Variants in KLHL1 observed in about 807,000 individuals in gnomAD.
KLHL1 encodes kelch-like protein 1.
In KLHL1, 47 loss-of-function variants were observed where a neutral mutation model predicts 77.7. The observed-to-expected ratio is 0.60, with a 90% confidence interval of 0.48 to 0.77. The LOEUF (loss-of-function observed/expected upper bound fraction) is 0.77. KLHL1 is among the 30% of genes least tolerant of loss of function. KLHL1 has a pLI of 0.00. For synonymous variants in KLHL1, 360 were observed against 325.2 expected, an observed-to-expected ratio of 1.11 and a Z score of -1.15; for missense variants, 925 against 910.8, an observed-to-expected ratio of 1.02 and a Z score of -0.20.
At chr13:69,909,485 G>T (rs1416209575) in intron 4 of KLHL1, among the ~76,000 whole-genome samples, 1 of 151,746 alleles carries the variant, frequency 6.6e-6, no homozygotes, top group Non-Finnish European at 1.5e-5. Context: ...TCATTATTGA[G>T]CAATCCAAAG....
intron 1 of KLHL1, among the ~76,000 whole-genome samples, chr13:70,098,480 C>T (rs1887844994): frequency 6.6e-6 from 1 of 151,436 alleles, no homozygotes; most frequent in South Asian, 2.1e-4. Context: ...TTGAAATTTA[C>T]TACAATTTAT....
intron 7 of KLHL1, among the ~76,000 whole-genome samples, chr13:69,758,439 C>A (rs1011735896): frequency 2.6e-5 from 4 of 151,988 alleles, no homozygotes; most frequent in African/African-American, 9.7e-5. Context: ...TTTTTTCCTT[C>A]ATTTTGAAAC....
intron 6 of KLHL1, among the ~76,000 whole-genome samples, chr13:69,801,776 G>A (rs549322765): frequency 5.7e-4 from 87 of 152,206 alleles, no homozygotes; most frequent in South Asian, 1.7e-3. Flanking sequence ...TTAGTTAAGA[G>A]ATAGGTGTGT....
chr13:69,808,263 C>T (rs1877708097), intron 6 of KLHL1, among the ~76,000 whole-genome samples: 1 of 152,062 alleles, frequency 6.6e-6, no homozygotes. Context: ...TACAGGCAAA[C>T]ATACCCTGAG....
intron 8 of KLHL1, among the ~76,000 whole-genome samples, chr13:69,734,354 C>T (rs1306684771): frequency 6.6e-6 from 1 of 152,110 alleles, no homozygotes; most frequent in Non-Finnish European, 1.5e-5. Flanking sequence ...GAAGAAGTGA[C>T]AGCCAAGTAA....
chr13:69,930,050 G>A (rs962615152), intron 4 of KLHL1, among the ~76,000 whole-genome samples: 3 of 151,758 alleles, frequency 2.0e-5, no homozygotes, highest in Non-Finnish European at 4.4e-5. Flanking sequence ...ATTTTAGGTT[G>A]GAAATAGTAG....
At chr13:70,104,164 A>G (rs1306220142) in intron 1 of KLHL1, among the ~76,000 whole-genome samples, 1 of 152,206 alleles carries the variant, frequency 6.6e-6, no homozygotes, top group Non-Finnish European at 1.5e-5. Flanking sequence ...ATATCCAGGA[A>G]ATCATATACT....
chr13:69,901,798 T>A (rs1223931169), intron 4 of KLHL1, among the ~76,000 whole-genome samples: 2 of 146,480 alleles, frequency 1.4e-5, no homozygotes, highest in African/African-American at 2.5e-5. Flanking sequence ...TTTTTTTCTT[T>A]TTTTTTTTTT....
chr13:70,034,701 G>C (rs1010896007), intron 1 of KLHL1, among the ~76,000 whole-genome samples: 2 of 152,140 alleles, frequency 1.3e-5, no homozygotes, highest in Non-Finnish European at 2.9e-5. Context: ...TTGAGGAAGA[G>C]GGAAAGTCGC....
At chr13:69,781,646 AATC>A (rs1478736795) in intron 7 of KLHL1, among the ~76,000 whole-genome samples, 1 of 152,124 alleles carries the variant, frequency 6.6e-6, no homozygotes, top group African/African-American at 2.4e-5. Flanking sequence ...GAGATATTGT[AATC>A]ATCTTTTTAC....
At chr13:70,077,602 T>C (rs1887295401) in intron 1 of KLHL1, among the ~76,000 whole-genome samples, 1 of 151,990 alleles carries the variant, frequency 6.6e-6, no homozygotes, top group South Asian at 2.1e-4. Flanking sequence ...ATAATAACAA[T>C]GTATCAATAT....
intron 10 of KLHL1, among the ~76,000 whole-genome samples, chr13:69,707,281 T>C (rs998980336): frequency 6.6e-6 from 1 of 152,038 alleles, no homozygotes; most frequent in African/African-American, 2.4e-5. Context: ...ATATTGTTTC[T>C]AAAACCAAAC....
intron 5 of KLHL1, among the ~76,000 whole-genome samples, chr13:69,857,293 A>G (rs1188385029): frequency 6.6e-6 from 1 of 151,928 alleles, no homozygotes; most frequent in Admixed American, 6.6e-5. Context: ...CACCTCCTTT[A>G]TGAAGTCTTC....
chr13:69,788,656 T>TATA (rs749231972), intron 7 of KLHL1, among the ~76,000 whole-genome samples: 1 of 129,074 alleles, frequency 7.7e-6, no homozygotes, highest in African/African-American at 3.0e-5. Context: ...AAACTTAAAG[T>TATA]ATAATAATAA....
At chr13:69,731,200 A>T (rs928657215) in intron 8 of KLHL1, among the ~76,000 whole-genome samples, 2 of 152,256 alleles carry the variant, frequency 1.3e-5, no homozygotes, top group East Asian at 3.9e-4. Flanking sequence ...AATGAACATA[A>T]TTTTTCTATG....
At chr13:69,944,326 TTAAG>T (rs1481960934) in intron 3 of KLHL1, among the ~76,000 whole-genome samples, 1 of 152,174 alleles carries the variant, frequency 6.6e-6, no homozygotes, top group African/African-American at 2.4e-5. Flanking sequence ...GAAGGTAAAA[TTAAG>T]TATCTTCAGT....
intron 4 of KLHL1, among the ~76,000 whole-genome samples, chr13:69,892,271 T>C (rs866040026): frequency 2.0e-5 from 3 of 152,170 alleles, no homozygotes; most frequent in African/African-American, 4.8e-5. Context: ...AATAGTATCA[T>C]TGAAAATTAA....
intron 1 of KLHL1, among the ~76,000 whole-genome samples, chr13:70,093,499 C>A (rs1474730836): frequency 6.6e-6 from 1 of 152,060 alleles, no homozygotes; most frequent in African/African-American, 2.4e-5. Context: ...AATTCCTAAG[C>A]ACTTTAAAGA....
intron 4 of KLHL1, among the ~76,000 whole-genome samples, chr13:69,927,211 A>G (rs996716559): frequency 2.0e-5 from 3 of 152,126 alleles, no homozygotes; most frequent in Non-Finnish European, 2.9e-5. Context: ...CATGATACAC[A>G]CATGCAAAAT....
Sources: gnomAD v4.1 joint callset for allele counts (sites outside exome capture counted in the v4.1 genomes callset) on GRCh38, gnomAD v4.1.1 for gene constraint, MANE v1.5 for transcripts, NCBI Gene and HGNC (gene_info 2026-07-23, HGNC 2026-07-21) for gene names.